CEP112: variants seen among roughly 807,000 people sequenced by gnomAD.
CEP112 encodes centrosomal protein of 112 kDa.
CEP112 carries 127 observed loss-of-function variants against 153.0 expected under a neutral mutation model. The ratio of observed to expected loss-of-function variants is 0.83; its 90% CI spans 0.72 to 0.96. CEP112 has a LOEUF of 0.96. CEP112 is among the 40% of genes least tolerant of loss of function. CEP112 has a pLI of 0.00. For missense variants in CEP112, 1,089 were observed against 1,101.2 expected (o/e 0.99, Z 0.16); for synonymous variants, 358 against 374.4 (o/e 0.96, Z 0.51).
chr17:65,861,380 C>G (rs983813484), intron 20 of CEP112, among the ~76,000 whole-genome samples: 22 of 152,222 alleles, frequency 1.4e-4, no homozygotes, highest in African/African-American at 5.1e-4. Context: ...ACTTAAAGGG[C>G]ACTAACTTGA....
At chr17:65,901,941 C>T (rs1366267055) in intron 20 of CEP112, among the ~76,000 whole-genome samples, 1 of 115,704 alleles carries the variant, frequency 8.6e-6, no homozygotes, top group Admixed American at 1.4e-4. Flanking sequence ...TTTAATCTGG[C>T]TACCTGTGGT....
At chr17:66,087,160 A>C (rs1317734432) in intron 8 of CEP112, among the ~76,000 whole-genome samples, 1 of 152,216 alleles carries the variant, frequency 6.6e-6, no homozygotes. Context: ...CAGAAACATA[A>C]GGATTTAGGA....
intron 12 of CEP112, among the ~76,000 whole-genome samples, chr17:66,044,571 T>G (rs1361436968): frequency 6.6e-6 from 1 of 152,182 alleles, no homozygotes; most frequent in Non-Finnish European, 1.5e-5. Flanking sequence ...ACAACATGAA[T>G]GGACCATAAT....
intron 17 of CEP112, among the ~76,000 whole-genome samples, chr17:65,978,762 G>A (rs28622372): frequency 0.17 from 25,535 of 152,174 alleles, 3,309 homozygotes; most frequent in African/African-American, 0.36. Context: ...CCTAAGGAAA[G>A]CATCCAAGAA....
intron 18 of CEP112, chr17:65,941,328 T>A (rs1282963235): frequency 2.0e-5 from 3 of 152,130 alleles, no homozygotes; most frequent in Non-Finnish European, 4.4e-5. Context: ...AAATAGATTA[T>A]CTTCTATCTA....
chr17:65,960,404 A>C (rs2062157880), intron 18 of CEP112, among the ~76,000 whole-genome samples: 1 of 152,202 alleles, frequency 6.6e-6, no homozygotes, highest in African/African-American at 2.4e-5. Context: ...AATAATATAT[A>C]CATACATATT....
At chr17:65,727,181 C>T (rs1598410088) in intron 23 of CEP112, among the ~76,000 whole-genome samples, 3 of 152,122 alleles carry the variant, frequency 2.0e-5, no homozygotes. Context: ...TTATACTGGT[C>T]GGGTGGCAGT....
intron 5 of CEP112, among the ~76,000 whole-genome samples, chr17:66,130,270 G>A (rs2070075404): frequency 6.6e-6 from 1 of 151,770 alleles, no homozygotes; most frequent in Admixed American, 6.6e-5. Context: ...TTCTCTTTAA[G>A]TTCTTTTACA....
chr17:65,865,871 A>C (rs1207461591), intron 20 of CEP112, among the ~76,000 whole-genome samples: 1 of 152,156 alleles, frequency 6.6e-6, no homozygotes, highest in Non-Finnish European at 1.5e-5. Context: ...ACGGTTGGGC[A>C]CAGAAGGGTG....
intron 12 of CEP112, among the ~76,000 whole-genome samples, chr17:66,038,796 T>C (rs2145813115): frequency 6.6e-6 from 1 of 152,320 alleles, no homozygotes; most frequent in East Asian, 1.9e-4. Context: ...ATGTAACTTG[T>C]AAGCATTAAT....
intron 19 of CEP112, among the ~76,000 whole-genome samples, chr17:65,902,892 G>A (rs1200837592): frequency 2.0e-5 from 3 of 152,142 alleles, no homozygotes. Context: ...AAGGGCACCT[G>A]CTGTGCTGCA....
chr17:65,771,555 T>C (rs571157009), intron 21 of CEP112, among the ~76,000 whole-genome samples: 33 of 152,296 alleles, frequency 2.2e-4, no homozygotes, highest in Middle Eastern at 3.4e-3. Flanking sequence ...TTAATCAAGA[T>C]AGACCATATT....
chr17:66,141,885 C>T (rs1326242678), intron 4 of CEP112, among the ~76,000 whole-genome samples: 1 of 152,090 alleles, frequency 6.6e-6, no homozygotes, highest in Non-Finnish European at 1.5e-5. Flanking sequence ...TTTTCTTTAG[C>T]TTTACACCCA....
intron 4 of CEP112, among the ~76,000 whole-genome samples, chr17:66,138,246 T>A (rs763835943): frequency 2.0e-5 from 3 of 151,942 alleles, no homozygotes; most frequent in Non-Finnish European, 4.4e-5. Context: ...GGAAGAGGAG[T>A]TCGTCAACAG....
At chr17:65,693,846 T>C (rs1419807729) in intron 23 of CEP112, among the ~76,000 whole-genome samples, 1 of 152,128 alleles carries the variant, frequency 6.6e-6, no homozygotes, top group African/African-American at 2.4e-5. Flanking sequence ...ATGGGACTGG[T>C]GCCCTTCTAA....
At chr17:66,099,008 T>C (rs1316699485) in intron 6 of CEP112, among the ~76,000 whole-genome samples, 3 of 152,010 alleles carry the variant, frequency 2.0e-5, no homozygotes, top group Non-Finnish European at 2.9e-5. Flanking sequence ...ACAAAAAAAC[T>C]TAATGGCTCA....
intron 20 of CEP112, among the ~76,000 whole-genome samples, chr17:65,865,152 C>T (rs1274305950): frequency 6.6e-6 from 1 of 151,964 alleles, no homozygotes; most frequent in Non-Finnish European, 1.5e-5. Context: ...AGCGATCCTC[C>T]CACCTCAGCC....
intron 23 of CEP112, among the ~76,000 whole-genome samples, chr17:65,711,126 A>G (rs1250158132): frequency 2.0e-5 from 3 of 152,206 alleles, no homozygotes; most frequent in African/African-American, 7.2e-5. Flanking sequence ...GTTTTCATCT[A>G]TATCACAGCA....
At chr17:65,957,574 GTTAAC>G (rs1243515325) in intron 18 of CEP112, among the ~76,000 whole-genome samples, 2 of 151,822 alleles carry the variant, frequency 1.3e-5, no homozygotes, top group African/African-American at 4.8e-5. Flanking sequence ...TAACTTTTGT[GTTAAC>G]TTTATTTTAG....
Sources: gnomAD v4.1 joint callset for allele counts (sites outside exome capture counted in the v4.1 genomes callset) on GRCh38, gnomAD v4.1.1 for gene constraint, MANE v1.5 for transcripts, NCBI Gene and HGNC (gene_info 2026-07-23, HGNC 2026-07-21) for gene names.